ADGRV1: variants seen among roughly 807,000 people sequenced by gnomAD.
The protein encoded by ADGRV1 is adhesion G protein-coupled receptor V1, also known as G-protein coupled receptor 98.
A neutral mutation model predicts 596.2 loss-of-function variants in ADGRV1; 359 were observed. The ratio of observed to expected loss-of-function variants is 0.60; its 90% CI spans 0.55 to 0.66. ADGRV1 has a LOEUF of 0.66. Among genes scored for constraint, ADGRV1 ranks in the 30% least tolerant of loss-of-function variants. The pLI, the probability that ADGRV1 is intolerant of heterozygous loss-of-function variation, is 0.00. For synonymous variants in ADGRV1, 2,681 were observed against 2,679.2 expected, an observed-to-expected ratio of 1.00 and a Z score of -0.02; for missense variants, 7,274 against 7,575.6, an observed-to-expected ratio of 0.96 and a Z score of 1.48.
chr5:91,086,916 C>A (rs1789925670), intron 86 of ADGRV1, among the ~76,000 whole-genome samples: 1 of 152,190 alleles, frequency 6.6e-6, no homozygotes, highest in South Asian at 2.1e-4. Flanking sequence ...TATTGTTTAA[C>A]CTGGCCCTCA....
intron 85 of ADGRV1, among the ~76,000 whole-genome samples, chr5:91,049,690 A>G (rs1786142400): frequency 6.6e-6 from 1 of 152,218 alleles, no homozygotes; most frequent in South Asian, 2.1e-4. Flanking sequence ...GAATTTTCAT[A>G]AGAAAAATGG....
intron 59 of ADGRV1, among the ~76,000 whole-genome samples, chr5:90,771,920 A>G (rs541379226): frequency 3.3e-5 from 5 of 152,240 alleles, no homozygotes; most frequent in African/African-American, 4.8e-5. Context: ...TTATTCCCCT[A>G]TGAAACTTCC....
chr5:91,054,071 TTG>T (rs769226492), intron 85 of ADGRV1, among the ~76,000 whole-genome samples: 1,384 of 133,056 alleles, frequency 0.01, 21 homozygotes, highest in African/African-American at 0.03. Context: ...CTGTGTGTGT[TTG>T]TGTGTGTGTG....
chr5:90,558,965 G>A (rs777776792), intron 1 of ADGRV1, 48 bp downstream of exon 1: 16 of 1,525,474 alleles, frequency 1.0e-5, no homozygotes, highest in Non-Finnish European at 1.4e-5. Flanking sequence ...TGAGCCCCAG[G>A]GGAGCGCCTC....
At chr5:90,657,758 T>G in intron 20 of ADGRV1, 147 bp from the exon 21 acceptor site, 1 of 605,978 alleles carries the variant, frequency 1.7e-6, no homozygotes, top group Non-Finnish European at 2.6e-6. Flanking sequence ...GAAGATAATA[T>G]CCAATTCATT....
At chr5:90,929,924 T>C (rs564430352) in intron 83 of ADGRV1, among the ~76,000 whole-genome samples, 47 of 152,296 alleles carry the variant, frequency 3.1e-4, no homozygotes, top group African/African-American at 1.1e-3. Context: ...TAAGAAAAGT[T>C]TCCATTTCTG....
chr5:91,138,134 G>C (rs1399244845), intron 87 of ADGRV1, among the ~76,000 whole-genome samples: 1 of 151,980 alleles, frequency 6.6e-6, no homozygotes, highest in African/African-American at 2.4e-5. Context: ...ACCAGGATCT[G>C]AGGTTACCCT....
chr5:90,943,758 C>G (rs1776353076), intron 83 of ADGRV1, among the ~76,000 whole-genome samples: 1 of 152,142 alleles, frequency 6.6e-6, no homozygotes, highest in Non-Finnish European at 1.5e-5. Flanking sequence ...ATTCCTACCC[C>G]TTCCTTTGTG....
chr5:90,988,512 CT>C (rs1780681616), intron 85 of ADGRV1, among the ~76,000 whole-genome samples: 1 of 152,140 alleles, frequency 6.6e-6, no homozygotes, highest in African/African-American at 2.4e-5. Context: ...ATTCTTATGG[CT>C]TGACATTTTC....
chr5:91,130,276 A>T (rs961045584), intron 87 of ADGRV1, among the ~76,000 whole-genome samples: 13 of 150,992 alleles, frequency 8.6e-5, no homozygotes, highest in African/African-American at 2.7e-4. Context: ...TCATGCCTGT[A>T]ATCCCAGCAC....
chr5:90,691,183 A>G (rs1489832915), intron 31 of ADGRV1, 142 bp downstream of exon 31: 1 of 1,075,940 alleles, frequency 9.3e-7, no homozygotes, highest in Non-Finnish European at 1.4e-6. Context: ...CTAGTGTGAA[A>G]GTGATCCTTA....
chr5:90,727,372 A>G (rs1751934749), intron 48 of ADGRV1, among the ~76,000 whole-genome samples: 1 of 152,088 alleles, frequency 6.6e-6, no homozygotes. Context: ...ATATGTGTCA[A>G]TAAGTGAAGA....
chr5:90,798,024 G>A (rs996226525), intron 70 of ADGRV1, among the ~76,000 whole-genome samples: 3 of 152,006 alleles, frequency 2.0e-5, no homozygotes, highest in Admixed American at 2.0e-4. Context: ...AAGAACTAGA[G>A]TAGCAAGAGC....
chr5:91,120,059 A>G (rs1470078822), intron 87 of ADGRV1, among the ~76,000 whole-genome samples: 4 of 152,332 alleles, frequency 2.6e-5, no homozygotes, highest in African/African-American at 7.2e-5. Context: ...ACTGACAAGA[A>G]CATAGCACTT....
intron 21 of ADGRV1, among the ~76,000 whole-genome samples, chr5:90,661,748 A>G (rs1331965420): frequency 6.6e-6 from 1 of 152,162 alleles, no homozygotes; most frequent in Non-Finnish European, 1.5e-5. Context: ...TGGTTTGATG[A>G]TTATTATGGA....
In ADGRV1 at chr5:90,778,538, G is replaced by T. The variant is rs773072116; in HGVS notation, c.12778G>T (p.Val4260Leu). ...ESSSTANITV[V>L]ASDSPYGRFA... ...CAGCAGCACTGCCAACATCACGGTG[G>T]TGGCCAGCGACTCTCCCTATGGCCG... The change falls in exon 63 of 90, where the codon GTG becomes TTG. Residue 4260 changes from valine (V) to leucine (L), a missense_variant. Transcript: ENST00000405460. The T allele has an allele frequency of 5.6e-5, 91 of 1,612,808 alleles. No homozygotes were observed. Among genetic ancestry groups the T allele is most frequent in the Non-Finnish European group, 7.6e-5 (90 of 1,179,378 alleles).
chr5:91,032,462 C>T (rs1784556728), intron 85 of ADGRV1, among the ~76,000 whole-genome samples: 2 of 152,064 alleles, frequency 1.3e-5, no homozygotes, highest in South Asian at 2.1e-4. Context: ...TCGTCTATCT[C>T]TGCTACCTTC....
chr5:91,095,758 T>A (rs1170459271), intron 86 of ADGRV1, among the ~76,000 whole-genome samples: 4 of 152,174 alleles, frequency 2.6e-5, no homozygotes, highest in Non-Finnish European at 1.5e-5. Context: ...TGCCTACTGT[T>A]GGAAATAGAT....
chr5:91,054,146 AAAC>A (rs933142996), intron 85 of ADGRV1, among the ~76,000 whole-genome samples: 2 of 151,112 alleles, frequency 1.3e-5, no homozygotes, highest in Non-Finnish European at 2.9e-5. Context: ...AAAGACTCTG[AAAC>A]AGCTGCTAAA....
Sources: allele counts gnomAD v4.1 joint callset (sites outside exome capture counted in the v4.1 genomes callset), GRCh38; gene constraint gnomAD v4.1.1; transcripts MANE v1.5; gene names NCBI Gene and HGNC (gene_info 2026-07-23, HGNC 2026-07-21).